WWOX: variants seen among roughly 807,000 people sequenced by gnomAD.
WWOX encodes WW domain-containing oxidoreductase.
WWOX carries 69 observed loss-of-function variants against 46.2 expected under a neutral mutation model. That is an observed-to-expected ratio of 1.49 (90% CI 1.23 to 1.82). The LOEUF (loss-of-function observed/expected upper bound fraction) is 1.82. Ranked by LOEUF, WWOX falls within the 40% of genes most tolerant of loss-of-function variation. WWOX has a pLI of 0.00. For missense variants in WWOX, 919 were observed against 542.6 expected, an observed-to-expected ratio of 1.69 and a Z score of -6.89; for synonymous variants, 359 against 202.6, an observed-to-expected ratio of 1.77 and a Z score of -6.56.
chr16:78,920,039 C>G (rs963877199), intron 8 of WWOX, among the ~76,000 whole-genome samples: 1 of 152,134 alleles, frequency 6.6e-6, no homozygotes, highest in African/African-American at 2.4e-5. Flanking sequence ...TCAGCGTAGA[C>G]TAGGTTTGCC....
At chr16:78,903,067 A>C (rs949261608) in intron 8 of WWOX, among the ~76,000 whole-genome samples, 5 of 152,206 alleles carry the variant, frequency 3.3e-5, no homozygotes, top group African/African-American at 1.2e-4. Flanking sequence ...AAGCAACAAA[A>C]GCTGAGGTTT....
At chr16:78,979,844 C>T (rs60026483) in intron 8 of WWOX, among the ~76,000 whole-genome samples, 8 of 152,136 alleles carry the variant, frequency 5.3e-5, no homozygotes, top group Non-Finnish European at 1.0e-4. Context: ...AATAAATCAA[C>T]GTGGCTGGGT....
At chr16:78,314,688 G>GGTTTTTGTT (rs1555517825) in intron 5 of WWOX, among the ~76,000 whole-genome samples, 1 of 90,512 alleles carries the variant, frequency 1.1e-5, no homozygotes, top group African/African-American at 4.9e-5. Flanking sequence ...CCCTGCAGGG[G>GGTTTTTGTT]TTTTTTTTTT....
At chr16:78,754,443 C>T (rs946897300) in intron 8 of WWOX, among the ~76,000 whole-genome samples, 1 of 152,220 alleles carries the variant, frequency 6.6e-6, no homozygotes, top group Middle Eastern at 3.4e-3. Flanking sequence ...AGTTTGGCAC[C>T]GGATTTGAAA....
chr16:78,724,921 T>C (rs2048789453), intron 8 of WWOX, among the ~76,000 whole-genome samples: 1 of 152,194 alleles, frequency 6.6e-6, no homozygotes, highest in East Asian at 1.9e-4. Context: ...CACCTAGTAG[T>C]GATTCCAGGT....
At chr16:78,260,668 A>C (rs1207871737) in intron 5 of WWOX, among the ~76,000 whole-genome samples, 1 of 144,834 alleles carries the variant, frequency 6.9e-6, no homozygotes, top group African/African-American at 2.5e-5. Flanking sequence ...ACTCCATCTA[A>C]AAAAAAAAAT....
At chr16:78,585,141 G>T (rs1364713836) in intron 8 of WWOX, among the ~76,000 whole-genome samples, 2 of 152,198 alleles carry the variant, frequency 1.3e-5, no homozygotes, top group Admixed American at 1.3e-4. Flanking sequence ...TAAATTCAGC[G>T]TCAGATGTAC....
At chr16:78,141,095 G>C (rs1027110103) in intron 4 of WWOX, among the ~76,000 whole-genome samples, 2 of 152,174 alleles carry the variant, frequency 1.3e-5, no homozygotes, top group African/African-American at 2.4e-5. Context: ...AGGAACCAAG[G>C]GGGGATTGCC....
At chr16:78,387,927 C>T (rs2082094178) in intron 6 of WWOX, among the ~76,000 whole-genome samples, 1 of 151,984 alleles carries the variant, frequency 6.6e-6, no homozygotes, top group African/African-American at 2.4e-5. Flanking sequence ...TTGGGTTAGG[C>T]TCTGTTGGGA....
chr16:78,209,098 T>G (rs949894471), intron 5 of WWOX, among the ~76,000 whole-genome samples: 7 of 152,176 alleles, frequency 4.6e-5, no homozygotes, highest in African/African-American at 1.7e-4. Flanking sequence ...TAGGGAGTGA[T>G]CAAGTTGAAA....
intron 8 of WWOX, among the ~76,000 whole-genome samples, chr16:78,786,613 T>A (rs375810134): frequency 1.2e-3 from 179 of 152,342 alleles, no homozygotes; most frequent in African/African-American, 4.3e-3. Context: ...CTTTTTTTAG[T>A]ATATTCGCAT....
chr16:78,854,983 A>T (rs1286781816), intron 8 of WWOX, among the ~76,000 whole-genome samples: 1 of 151,272 alleles, frequency 6.6e-6, no homozygotes, highest in Non-Finnish European at 1.5e-5. Context: ...GGCTTCTCAA[A>T]TTTACACTCC....
chr16:78,190,723 C>G (rs2035858140), intron 5 of WWOX, among the ~76,000 whole-genome samples: 1 of 152,144 alleles, frequency 6.6e-6, no homozygotes, highest in Non-Finnish European at 1.5e-5. Context: ...TGAAACCCAG[C>G]TCATTTTCTA....
chr16:78,940,585 GT>G (rs2045832064), intron 8 of WWOX, among the ~76,000 whole-genome samples: 1 of 151,706 alleles, frequency 6.6e-6, no homozygotes, highest in South Asian at 2.1e-4. Flanking sequence ...GGGTATATAG[GT>G]TTTCTCAAAT....
intron 8 of WWOX, among the ~76,000 whole-genome samples, chr16:79,123,250 C>T (rs934205337): frequency 6.6e-6 from 1 of 152,218 alleles, no homozygotes; most frequent in South Asian, 2.1e-4. Context: ...ACTCTGTCCT[C>T]GGTGGGGACA....
At chr16:78,443,808 G>T (rs1478852003) in intron 8 of WWOX, among the ~76,000 whole-genome samples, 3 of 151,900 alleles carry the variant, frequency 2.0e-5, no homozygotes, top group Admixed American at 2.0e-4. Flanking sequence ...TTTCTTTTAA[G>T]TTTGTGGTGC....
chr16:78,634,837 A>AGAGT (rs1346762709), intron 8 of WWOX, among the ~76,000 whole-genome samples: 1,698 of 111,732 alleles, frequency 0.015, 19 homozygotes, highest in Non-Finnish European at 0.023. Flanking sequence ...AGAGAGAGAG[A>AGAGT]GTGTGTGTGT....
At chr16:78,888,000 G>A (rs2044503616) in intron 8 of WWOX, among the ~76,000 whole-genome samples, 1 of 152,156 alleles carries the variant, frequency 6.6e-6, no homozygotes, top group Admixed American at 6.5e-5. Flanking sequence ...ATCCCACATT[G>A]GACTTGTCAG....
chr16:78,373,739 T>C (rs1207135829), intron 5 of WWOX, among the ~76,000 whole-genome samples: 1 of 152,190 alleles, frequency 6.6e-6, no homozygotes, highest in African/African-American at 2.4e-5. Context: ...CTGTATTTCA[T>C]TGTGTTTTCT....
Sources: gnomAD v4.1 joint callset for allele counts (sites outside exome capture counted in the v4.1 genomes callset) on GRCh38, gnomAD v4.1.1 for gene constraint, MANE v1.5 for transcripts, NCBI Gene and HGNC (gene_info 2026-07-23, HGNC 2026-07-21) for gene names.